Variants in ZFYVE21 observed in about 807,000 individuals in gnomAD.
ZFYVE21 encodes the protein zinc finger FYVE domain-containing protein 21.
Under a neutral mutation model 29.5 loss-of-function variants are expected in ZFYVE21, and 21 were observed. The ratio of observed to expected loss-of-function variants is 0.71; its 90% CI spans 0.50 to 1.02. The LOEUF is 1.02. Among genes scored for constraint, ZFYVE21 ranks in the 50% least tolerant of loss-of-function variants. The pLI is 0.00. For synonymous variants in ZFYVE21, 151 were observed against 133.8 expected (o/e 1.13, Z -0.89); for missense variants, 326 against 335.4 (o/e 0.97, Z 0.22).
rs1430517978 is a variant in ZFYVE21 at position 103,715,910 on chromosome 14, G to A, written c.69G>A (p.Met23Ile). ...KLVRSPSGLR[M>I]VPEHRAFGSP... Reference sequence around the variant, plus strand: ...TGCGCTCCCCGAGCGGCCTGCGCATGGTGCCCGAACACCGCGCCTTCGGAA... The same window carrying A: ...TGCGCTCCCCGAGCGGCCTGCGCATAGTGCCCGAACACCGCGCCTTCGGAA... Residue 23 changes from methionine to isoleucine, a missense_variant, in exon 1 of 7, where the codon ATG (methionine) becomes ATA (isoleucine). Met to Ile is a conservative substitution (Grantham distance 10, BLOSUM62 1). Coordinates refer to ENST00000311141, the MANE Select transcript of ZFYVE21 (RefSeq NM_024071.4). 10 of 1,440,392 alleles carry A rather than the reference G, an allele frequency of 6.9e-6. No individual in the cohort carries two copies. Among genetic ancestry groups the A allele is most frequent in the Non-Finnish European group, 9.2e-6 (10 of 1,089,862 alleles). 89.2% of individuals were successfully genotyped at this position (1,440,392 alleles called of 1,614,324 possible). A position where few individuals can be genotyped will look rare whatever the true frequency, so the allele number is the denominator to read the frequency against.
chr14:103,725,015 A>T (rs934743629), intron 1 of ZFYVE21: 1 of 152,230 alleles, frequency 6.6e-6, no homozygotes, highest in Non-Finnish European at 1.5e-5. Flanking sequence ...AAATCCGGGG[A>T]CCATTTTCGT....
Position 103,716,820 on chromosome 14 carries a change from G to A in ZFYVE21, c.138+841G>A, listed in dbSNP as rs2083823641. ...CTCACACCAGCCCCTTGGCCAACTGGGAAGGCCCCGAGTGCATTTAATCCC... is the reference window on the plus strand; with the variant it reads ...CTCACACCAGCCCCTTGGCCAACTGAGAAGGCCCCGAGTGCATTTAATCCC... On this transcript the variant is annotated intron_variant, in intron 1 of 6. Coordinates refer to ENST00000311141, the MANE Select transcript of ZFYVE21 (RefSeq NM_024071.4). The surrounding 1 kb of genome is among the most constrained non-coding windows in gnomAD (Gnocchi z 4.8). 6.6e-6 allele frequency among the ~76,000 whole-genome samples: 1 copy of A among 152,160 alleles called. No individual in the cohort carries two copies. Among genetic ancestry groups the A allele is most frequent in the Non-Finnish European group, 1.5e-5 (1 of 68,030 alleles).
In ZFYVE21 at chr14:103,716,019, C is replaced by T. The variant is rs2083802130; in HGVS notation, c.138+40C>T. On this transcript the variant is annotated intron_variant, in intron 1 of 6. Coordinates refer to ENST00000311141, the MANE Select transcript of ZFYVE21 (RefSeq NM_024071.4). This position sits in a 1 kb window ranked among gnomAD's most constrained non-coding sequence, Gnocchi z 4.8. Reference sequence around the variant, plus strand: ...CCCCGGCCAGCGCCTCCGACCCGCCCCGCCGCCCCGGCCCGGCCCCGCGGG... The same window carrying T: ...CCCCGGCCAGCGCCTCCGACCCGCCTCGCCGCCCCGGCCCGGCCCCGCGGG... The T allele has an allele frequency of 1.7e-6, 2 of 1,194,624 alleles. No homozygotes were observed. Among genetic ancestry groups the T allele is most frequent in the Non-Finnish European group, 1.0e-6 (1 of 960,156 alleles). 74.0% of individuals were successfully genotyped at this position (1,194,624 alleles called of 1,614,324 possible).
intron 1 of ZFYVE21, among the ~76,000 whole-genome samples, chr14:103,722,680 G>A (rs929059702): frequency 9.9e-5 from 15 of 152,098 alleles, no homozygotes; most frequent in African/African-American, 1.9e-4. Flanking sequence ...TTAGCTGGGC[G>A]TGGTGGCGGG....
rs1162601638 is a variant in ZFYVE21, at chr14:103,715,969, C to T, written c.128C>T (p.Pro43Leu). ...GGCCTGGAGGAGCCGCAGTGGGTCCCGGACAAGGAGGTGGGTGGCCGTCGC... is the reference window on the plus strand; with the variant it reads ...GGCCTGGAGGAGCCGCAGTGGGTCCTGGACAAGGAGGTGGGTGGCCGTCGC... ...PFGLEEPQWV[P>L]DKECRRCMQC... Residue 43 changes from proline to leucine, a missense_variant, in exon 1 of 7, where the codon CCG becomes CTG. Transcript: ENST00000311141. The T allele has an allele frequency of 3.7e-6, 5 of 1,349,278 alleles. No homozygotes were observed. The highest frequency in any genetic ancestry group is 3.3e-5 in the South Asian group (2 of 60,660). The allele number at this position is 1,349,278 out of a possible 1,614,324, so 83.6% of individuals were successfully genotyped here. A position where few individuals can be genotyped will look rare whatever the true frequency, so the allele number is the denominator to read the frequency against.
At chr14:103,732,516 G>A in intron 5 of ZFYVE21, 104 bp from the exon 6 acceptor site, 1 of 1,391,082 alleles carries the variant, frequency 7.2e-7, no homozygotes, top group Non-Finnish European at 9.6e-7. Context: ...GCTACTCTTG[G>A]AGCAGCACAA....
chr14:103,720,774 C>G (rs1371033038), intron 1 of ZFYVE21, among the ~76,000 whole-genome samples: 1 of 152,124 alleles, frequency 6.6e-6, no homozygotes, highest in Non-Finnish European at 1.5e-5. Flanking sequence ...CTCTAAGGAG[C>G]TCCATGCTGG....
chr14:103,715,868 C>G lies in ZFYVE21; in HGVS notation c.27C>G (p.Arg9=). The G allele has an allele frequency of 7.0e-7, 1 of 1,429,302 alleles. No homozygotes were observed. Among genetic ancestry groups the G allele is most frequent in the Non-Finnish European group, 9.2e-7 (1 of 1,086,546 alleles). The allele number at this position is 1,429,302 out of a possible 1,614,324, so 88.5% of individuals were successfully genotyped here. The change falls in exon 1 of 7, where the codon CGC becomes CGG. Residue 9 remains arginine, a synonymous_variant. Coordinates refer to ENST00000311141, the MANE Select transcript of ZFYVE21 (RefSeq NM_024071.4). MSSEVSAR[R]DAKKLVRSPS... ...TGTCCTCCGAGGTGTCCGCGCGCCG[C>G]GACGCCAAGAAGCTGGTGCGCTCCC...
At chr14:103,729,713 C>G in intron 5 of ZFYVE21, 1 of 1,490,602 alleles carries the variant, frequency 6.7e-7, no homozygotes, top group Non-Finnish European at 9.0e-7. Flanking sequence ...TGTGCCGTAA[C>G]CCATGTTGCT....
At chr14:103,728,192 C>A (rs895613800) in intron 3 of ZFYVE21, 1 of 348,722 alleles carries the variant, frequency 2.9e-6, no homozygotes, top group East Asian at 6.1e-5. Context: ...CTTCCTCCTT[C>A]CCCCGGGTGG....
chr14:103,721,147 C>T (rs949123214), intron 1 of ZFYVE21, among the ~76,000 whole-genome samples: 12 of 152,190 alleles, frequency 7.9e-5, no homozygotes, highest in Middle Eastern at 3.4e-3. Flanking sequence ...TCATTGCTCG[C>T]GGCCATCTTG....
intron 5 of ZFYVE21, chr14:103,731,906 T>C (rs1234627703): frequency 3.9e-5 from 6 of 152,066 alleles, no homozygotes; most frequent in Admixed American, 2.0e-4. Context: ...TCTTCAGCAG[T>C]GTATTGTTGG....
intron 1 of ZFYVE21, among the ~76,000 whole-genome samples, chr14:103,723,269 A>G (rs1469566377): frequency 6.6e-6 from 1 of 152,336 alleles, no homozygotes; most frequent in East Asian, 1.9e-4. Context: ...AGAGGCAGGG[A>G]CTGTGCCACC....
In ZFYVE21 at chr14:103,733,122, G is replaced by A; in HGVS notation, c.*104G>A. On this transcript the variant is annotated 3_prime_UTR_variant, in exon 7 of 7. Transcript: ENST00000311141. ...TACCACAGGGATTAATCCTGCTTGTGCTGGGAAATGCAACTCACTCATGTA... is the reference window on the plus strand; with the variant it reads ...TACCACAGGGATTAATCCTGCTTGTACTGGGAAATGCAACTCACTCATGTA... 5 of 1,466,798 alleles carry A rather than the reference G, an allele frequency of 3.4e-6. No homozygotes were observed. Among genetic ancestry groups the A allele is most frequent in the Non-Finnish European group, 3.8e-6 (4 of 1,056,888 alleles). 90.9% of individuals were successfully genotyped at this position (1,466,798 alleles called of 1,614,324 possible). A position where few individuals can be genotyped will look rare whatever the true frequency, so the allele number is the denominator to read the frequency against.
At chr14:103,721,485 C>T (rs1000145154) in intron 1 of ZFYVE21, among the ~76,000 whole-genome samples, 8 of 152,356 alleles carry the variant, frequency 5.3e-5, no homozygotes, top group East Asian at 3.9e-4. Context: ...GAGTGCCAGG[C>T]GCCCCAGAGA....
intron 1 of ZFYVE21, among the ~76,000 whole-genome samples, chr14:103,724,170 G>A (rs917482219): frequency 8.1e-4 from 123 of 152,326 alleles, no homozygotes; most frequent in African/African-American, 2.8e-3. Context: ...GGGATTGGGC[G>A]GCCGCGCGGT....
chr14:103,718,186 G>A (rs1305100267), intron 1 of ZFYVE21, among the ~76,000 whole-genome samples: 2 of 152,222 alleles, frequency 1.3e-5, no homozygotes, highest in African/African-American at 4.8e-5. Context: ...GGGTAACATT[G>A]TCCTTGGCTT....
chr14:103,719,346 C>T (rs1160167740), intron 1 of ZFYVE21, among the ~76,000 whole-genome samples: 1 of 151,730 alleles, frequency 6.6e-6, no homozygotes, highest in Middle Eastern at 3.4e-3. Flanking sequence ...TGTATCCCAG[C>T]TCAGGAGGCT....
chr14:103,726,632 C>CG, intron 1 of ZFYVE21, 160 bp from the exon 2 acceptor site: 1 of 865,486 alleles, frequency 1.2e-6, no homozygotes, highest in Non-Finnish European at 1.8e-6. Context: ...TGGGCACAGG[C>CG]GGCCAGTCCA....
Sources: gnomAD v4.1 joint callset for allele counts (sites outside exome capture counted in the v4.1 genomes callset) on GRCh38, gnomAD v4.1.1 for gene constraint, Gnocchi (gnomAD v3.1) non-coding constraint, MANE v1.5 for transcripts, NCBI Gene and HGNC (gene_info 2026-07-23, HGNC 2026-07-21) for gene names.